The following TOR1AIP2 variants were observed in gnomAD, a reference collection of about 807,000 sequenced individuals.
TOR1AIP2 encodes the protein torsin-1A-interacting protein 2.
Under a neutral mutation model 32.6 loss-of-function variants are expected in TOR1AIP2, and 20 were observed. That is an observed-to-expected ratio of 0.61 (90% CI 0.43 to 0.89). The LOEUF is 0.89. TOR1AIP2 is among the 40% of genes least tolerant of loss of function. The pLI, the probability that TOR1AIP2 is intolerant of heterozygous loss-of-function variation, is 0.00. For synonymous variants in TOR1AIP2, 214 were observed against 210.8 expected, an observed-to-expected ratio of 1.02 and a Z score of -0.13; for missense variants, 456 against 553.8, an observed-to-expected ratio of 0.82 and a Z score of 1.77.
chr1:179,864,555 T>A, intron 3 of TOR1AIP2: 1 of 1,279,638 alleles, frequency 7.8e-7, no homozygotes, highest in Non-Finnish European at 9.8e-7. Flanking sequence ...TTAGCCTCAG[T>A]CTAGATGAAC....
chr1:179,868,621 T>C (rs1012445982), intron 2 of TOR1AIP2: 30 of 152,114 alleles, frequency 2.0e-4, no homozygotes, highest in African/African-American at 6.7e-4. Context: ...CACTGTGTAA[T>C]AGCAAAATAA....
rs1438178809 is a variant in TOR1AIP2, at chr1:179,852,842, T to C, written c.-146-31A>G. On this transcript the variant is annotated intron_variant, in intron 3 of 6. Coordinates refer to ENST00000609928, the MANE Select transcript of TOR1AIP2 (RefSeq NM_001199260.2). Reference sequence around the variant, plus strand: ...ACAAAATGAAAAAAAATTAAATGACTTTTTATCCATACAAGGGAGAAATGC... The same window carrying C: ...ACAAAATGAAAAAAAATTAAATGACCTTTTATCCATACAAGGGAGAAATGC... 3.7e-6 allele frequency: 5 copies of C among 1,356,306 alleles called. No homozygotes were observed. In the Admixed American group the frequency reaches 1.2e-4, roughly 32 times the overall value. 84.0% of individuals were successfully genotyped at this position (1,356,306 alleles called of 1,614,324 possible). A position where few individuals can be genotyped will look rare whatever the true frequency, so the allele number is the denominator to read the frequency against.
intron 2 of TOR1AIP2, among the ~76,000 whole-genome samples, chr1:179,872,319 A>G (rs1697041308): frequency 6.6e-6 from 1 of 152,200 alleles, no homozygotes; most frequent in South Asian, 2.1e-4. Flanking sequence ...CCAGCAGCCA[A>G]ACCTTTAAGG....
chr1:179,875,688 A>G (rs1243023567), intron 2 of TOR1AIP2: 1 of 151,924 alleles, frequency 6.6e-6, no homozygotes, highest in African/African-American at 2.4e-5. Flanking sequence ...AATTATGTGC[A>G]CAGTTCATAC....
chr1:179,847,511 C>T, intron 6 of TOR1AIP2, 24 bp downstream of exon 6: 1 of 1,473,946 alleles, frequency 6.8e-7, no homozygotes, highest in Non-Finnish European at 9.5e-7. Flanking sequence ...ATCAACACTG[C>T]AGTAAAACCA....
intron 3 of TOR1AIP2, among the ~76,000 whole-genome samples, chr1:179,858,136 C>G (rs560220258): frequency 6.6e-6 from 1 of 151,480 alleles, no homozygotes; most frequent in South Asian, 2.1e-4. Flanking sequence ...GCCTGAGTGA[C>G]CCTGTCTCGG....
In TOR1AIP2 at chr1:179,852,762, A is replaced by G. The variant is rs1696165932; in HGVS notation, c.-97T>C. The G allele has an allele frequency of 6.3e-7, 1 of 1,593,932 alleles. No individual in the cohort carries two copies. Among genetic ancestry groups the G allele is most frequent in the South Asian group, 1.1e-5 (1 of 88,994 alleles). On this transcript the variant is annotated 5_prime_UTR_variant, in exon 4 of 7. Transcript: ENST00000609928. ...TGTTTTCTTCTTGTCCCAAGTCCCA[A>G]CAGACTCATGCTTCCCATGGACCCA...
intron 2 of TOR1AIP2, chr1:179,873,900 CCTAA>C (rs1447080968): frequency 6.6e-6 from 1 of 152,166 alleles, no homozygotes; most frequent in Non-Finnish European, 1.5e-5. Flanking sequence ...CGACAAGGTC[CCTAA>C]CTTTTTGTAG....
At position 179,851,314 on chromosome 1, in the gene TOR1AIP2, C is replaced by T; in HGVS notation, c.84G>A (p.Gln28=). The change falls in exon 5 of 7, where the codon CAG becomes CAA. Residue 28 remains glutamine (Q), a synonymous_variant. Transcript: ENST00000609928. The stretch of plus-strand genomic sequence containing the variant: ...CATTACTTGCTATGATTGTGGTCTC[C>T]TGCGCCTGAGAATTTACTGATGGAT... ...ENDPSVNSQA[Q]ETTIIASNAE... 1 of 1,596,926 alleles carries T rather than the reference C, an allele frequency of 6.3e-7. No individual in the cohort carries two copies. Among genetic ancestry groups the T allele is most frequent in the South Asian group, 1.1e-5 (1 of 89,754 alleles).
chr1:179,863,822 CT>C (rs1696656574), intron 3 of TOR1AIP2: 2 of 985,070 alleles, frequency 2.0e-6, no homozygotes, highest in African/African-American at 1.8e-5. Flanking sequence ...GTTCAGTGGC[CT>C]TTGAGATGTT....
rs1571712204 is a variant in TOR1AIP2, at chr1:179,877,370, G to A, written c.-697C>T. The A allele has an allele frequency of 6.6e-6, 1 of 151,844 alleles. No homozygotes were observed. Among genetic ancestry groups the A allele is most frequent in the African/African-American group, 2.4e-5 (1 of 41,302 alleles). The allele number at this position is 151,844 out of a possible 1,614,324, so 9.4% of individuals were successfully genotyped here. A position where few individuals can be genotyped will look rare whatever the true frequency, so the allele number is the denominator to read the frequency against. ...AACCTGGGCAATACAGTGAGACCCT[G>A]TCGCTATAAAAATAAAAAATAAAGT... On this transcript the variant is annotated 5_prime_UTR_variant, in exon 2 of 7. Transcript: ENST00000609928.
At chr1:179,876,002 TA>T (rs1647281212) in intron 2 of TOR1AIP2, 2 of 152,190 alleles carry the variant, frequency 1.3e-5, no homozygotes, top group African/African-American at 4.8e-5. Flanking sequence ...AAATGGTAAA[TA>T]AAACAGCCAA....
intron 3 of TOR1AIP2, chr1:179,862,641 A>G (rs769767555): frequency 9.0e-5 from 89 of 985,312 alleles, no homozygotes; most frequent in Non-Finnish European, 1.0e-4. Flanking sequence ...TTGCTAAAAG[A>G]GCCCTGGTCA....
rs1218730881 is a variant in TOR1AIP2 at position 179,874,968 on chromosome 1, C to G, written c.-566+2271G>C. Reference sequence around the variant, plus strand: ...TGCTCCAGCTTCTGACTTGGTGTTTCTCTCTCTCTCTCTATGCCCTTGGTT... The same window carrying G: ...TGCTCCAGCTTCTGACTTGGTGTTTGTCTCTCTCTCTCTATGCCCTTGGTT... On this transcript the variant is annotated intron_variant, in intron 2 of 6. Coordinates refer to ENST00000609928, the MANE Select transcript of TOR1AIP2 (RefSeq NM_001199260.2). 9 of 151,866 alleles carry G rather than the reference C, an allele frequency of 5.9e-5. No homozygotes were observed. The Admixed American group carries it at 5.9e-4, about 10-fold the overall frequency. 9.4% of individuals were successfully genotyped at this position (151,866 alleles called of 1,614,324 possible).
At position 179,845,044 on chromosome 1, in the gene TOR1AIP2, GTTC is replaced by G. The variant is rs914146657; in HGVS notation, c.*1024_*1026del. On this transcript the variant is annotated 3_prime_UTR_variant, in exon 7 of 7. Transcript: ENST00000609928. Reference sequence around the variant, plus strand: ...TAAATGCTAGCTTATACATTCTGCTGTTCATGTATAGATCTTTATCCTTCATAA... The same window carrying G: ...TAAATGCTAGCTTATACATTCTGCTGATGTATAGATCTTTATCCTTCATAA... 1 of 152,136 alleles carries G rather than the reference GTTC, an allele frequency of 6.6e-6. No individual in the cohort carries two copies. Among genetic ancestry groups the G allele is most frequent in the Non-Finnish European group, 1.5e-5 (1 of 68,018 alleles). 9.4% of individuals were successfully genotyped at this position (152,136 alleles called of 1,614,324 possible).
chr1:179,848,325 C>T (rs1192802924), intron 5 of TOR1AIP2, among the ~76,000 whole-genome samples: 2 of 152,116 alleles, frequency 1.3e-5, no homozygotes, highest in African/African-American at 4.8e-5. Flanking sequence ...GCTCTAATTC[C>T]AGTGTTCGAG....
chr1:179,868,457 A>G (rs941888696), intron 2 of TOR1AIP2: 3 of 152,248 alleles, frequency 2.0e-5, no homozygotes, highest in African/African-American at 7.2e-5. Context: ...TAATGACAAG[A>G]CTATAAATCT....
At chr1:179,852,513 C>A in intron 4 of TOR1AIP2, 119 bp downstream of exon 4, 1 of 959,406 alleles carries the variant, frequency 1.0e-6, no homozygotes, top group Non-Finnish European at 1.7e-6. Flanking sequence ...AACAAATGAA[C>A]CCACTGAATT....
chr1:179,845,543 C>G lies in TOR1AIP2; in HGVS notation c.*528G>C, dbSNP rs1695869404. The G allele has an allele frequency of 6.6e-6, 1 of 152,432 alleles. No homozygotes were observed. Among genetic ancestry groups the G allele is most frequent in the Non-Finnish European group, 1.5e-5 (1 of 68,292 alleles). The allele number at this position is 152,432 out of a possible 1,614,324, so 9.4% of individuals were successfully genotyped here. A position where few individuals can be genotyped will look rare whatever the true frequency, so the allele number is the denominator to read the frequency against. On this transcript the variant is annotated 3_prime_UTR_variant, in exon 7 of 7. Coordinates refer to ENST00000609928, the MANE Select transcript of TOR1AIP2 (RefSeq NM_001199260.2). ...AATTCTTATTTCTTTTATCATACTA[C>G]TCAAAACTGCAAAATTAATATAAGA...
Sources: allele counts gnomAD v4.1 joint callset (sites outside exome capture counted in the v4.1 genomes callset), GRCh38; gene constraint gnomAD v4.1.1; transcripts MANE v1.5; gene names NCBI Gene and HGNC (gene_info 2026-07-23, HGNC 2026-07-21).